Variants in SH3BGRL observed in about 807,000 individuals in gnomAD.
SH3BGRL encodes the protein adapter SH3BGRL.
Under a neutral mutation model 9.8 loss-of-function variants are expected in SH3BGRL, and 7 were observed. The ratio of observed to expected loss-of-function variants is 0.72; its 90% CI spans 0.41 to 1.35. SH3BGRL has a LOEUF of 1.35. SH3BGRL is among the 40% of genes most tolerant of loss of function. The probability of loss-of-function intolerance (pLI) is 0.01; values close to 1 mark genes in which losing one functional copy is unlikely to be tolerated. For missense variants in SH3BGRL, 73 were observed against 84.4 expected (o/e 0.86, Z 0.53); for synonymous variants, 36 against 29.1 (o/e 1.24, Z -0.76).
At chrX:81,291,814 G>C (rs997634880) in intron 3 of SH3BGRL, among the ~76,000 whole-genome samples, 5 of 111,874 alleles carry the variant, frequency 4.5e-5, no homozygotes, top group African/African-American at 9.7e-5. Flanking sequence ...TGACAAAATT[G>C]CTCTATGTAA....
chrX:81,265,247 T>C (rs1263886191), intron 1 of SH3BGRL, among the ~76,000 whole-genome samples: 4 of 106,767 alleles, frequency 3.7e-5, no homozygotes, highest in African/African-American at 1.4e-4. Flanking sequence ...CTGGGTTACA[T>C]GTGCAGAACG....
chrX:81,297,143 T>C (rs1203347319), intron 3 of SH3BGRL, 52 bp from the exon 4 acceptor site: 23 of 1,072,678 alleles, frequency 2.1e-5, no homozygotes, highest in Non-Finnish European at 2.8e-5. Flanking sequence ...TACACATGGG[T>C]GTCTGCTCTG....
At chrX:81,277,969 C>CT (rs1014167667) in intron 2 of SH3BGRL, among the ~76,000 whole-genome samples, 37 of 111,761 alleles carry the variant, frequency 3.3e-4, no homozygotes, top group African/African-American at 1.2e-3. Context: ...AATAAATCTC[C>CT]TTTTTTTCTT....
intron 1 of SH3BGRL, among the ~76,000 whole-genome samples, chrX:81,261,268 A>G (rs2075740571): frequency 9.0e-6 from 1 of 111,350 alleles, no homozygotes; most frequent in African/African-American, 3.3e-5. Flanking sequence ...CTAGTCTGTA[A>G]AATGGAGATA....
intron 1 of SH3BGRL, among the ~76,000 whole-genome samples, chrX:81,211,818 T>A (rs2075565621): frequency 9.0e-6 from 1 of 111,198 alleles, no homozygotes; most frequent in Non-Finnish European, 1.9e-5. Flanking sequence ...GATCCTCAGC[T>A]TGCAGAAAGC....
At chrX:81,226,020 T>C (rs1288431791) in intron 1 of SH3BGRL, among the ~76,000 whole-genome samples, 2 of 111,417 alleles carry the variant, frequency 1.8e-5, no homozygotes, top group Non-Finnish European at 3.8e-5. Flanking sequence ...TCTCTTAAAG[T>C]TATTCTTCCT....
chrX:81,273,914 T>C lies in SH3BGRL; in HGVS notation c.46-3070T>C, dbSNP rs939150563. ...GTTTAATGTACCTGCTCTGTGTCTT[T>C]GGAGAGAAGAATACCCTGAATCTCA... is the stretch of plus-strand genomic sequence containing the variant. On this transcript the variant is annotated intron_variant, in intron 1 of 3. Transcript: ENST00000373212. 3.6e-5 allele frequency among the ~76,000 whole-genome samples: 4 copies of C among 111,452 alleles called. No homozygotes were observed. The Admixed American group carries it at 3.8e-4, about 11-fold the overall frequency.
Position 81,242,969 on chromosome X carries a change from A to C in SH3BGRL, c.46-34015A>C, listed in dbSNP as rs186416093. ...TACATTAGTACTACCAGTATGGAGA[A>C]ATGTTTGTAGGTTCCTCTAAAAACT... On this transcript the variant is annotated intron_variant, in intron 1 of 3. Transcript: ENST00000373212. Among the ~76,000 whole-genome samples, 438 of 112,011 alleles carry C rather than the reference A, an allele frequency of 3.9e-3. 2 individuals are homozygous for C. The highest frequency in any genetic ancestry group is 0.014 in the African/African-American group (419 of 30,828).
chrX:81,205,989 T>C (rs2075546767), intron 1 of SH3BGRL, among the ~76,000 whole-genome samples: 1 of 111,807 alleles, frequency 8.9e-6, no homozygotes, highest in Non-Finnish European at 1.9e-5. Context: ...CTTATACCTG[T>C]TTGCGATTTG....
At chrX:81,212,994 A>G (rs2075570158) in intron 1 of SH3BGRL, among the ~76,000 whole-genome samples, 1 of 112,542 alleles carries the variant, frequency 8.9e-6, no homozygotes, top group Admixed American at 9.4e-5. Context: ...TGAGTAGGAA[A>G]GTCTTAGAAT....
intron 1 of SH3BGRL, among the ~76,000 whole-genome samples, chrX:81,265,009 A>ATT (rs772578478): frequency 1.4e-4 from 13 of 91,933 alleles, no homozygotes; most frequent in East Asian, 3.5e-4. Flanking sequence ...GAATGACTGT[A>ATT]TTTTTTTTTT....
intron 3 of SH3BGRL, among the ~76,000 whole-genome samples, chrX:81,282,209 A>T (rs2075819886): frequency 8.9e-6 from 1 of 112,117 alleles, no homozygotes; most frequent in Non-Finnish European, 1.9e-5. Context: ...AAGAAATGAG[A>T]TAGACAGCAA....
chrX:81,278,886 C>CT (rs1285033748), intron 3 of SH3BGRL, among the ~76,000 whole-genome samples: 3 of 112,025 alleles, frequency 2.7e-5, no homozygotes, highest in Admixed American at 9.4e-5. Context: ...AAATTTGAGG[C>CT]TTTTTTCCTG....
At chrX:81,220,459 G>A (rs988072388) in intron 1 of SH3BGRL, among the ~76,000 whole-genome samples, 2 of 111,153 alleles carry the variant, frequency 1.8e-5, no homozygotes, top group Non-Finnish European at 3.8e-5. Flanking sequence ...GGTATTGGTT[G>A]TAATATCACC....
At chrX:81,257,595 T>C (rs1405457324) in intron 1 of SH3BGRL, among the ~76,000 whole-genome samples, 2 of 112,204 alleles carry the variant, frequency 1.8e-5, no homozygotes, top group African/African-American at 6.5e-5. Flanking sequence ...GCTGTAGTGC[T>C]CATGGCATTT....
chrX:81,207,791 T>G (rs1569355977), intron 1 of SH3BGRL, among the ~76,000 whole-genome samples: 1 of 111,730 alleles, frequency 9.0e-6, no homozygotes, highest in East Asian at 2.8e-4. Flanking sequence ...TGCTTTCAAA[T>G]TGATGCTTAG....
At chrX:81,279,550 C>A (rs778014536) in intron 3 of SH3BGRL, among the ~76,000 whole-genome samples, 2 of 111,365 alleles carry the variant, frequency 1.8e-5, no homozygotes, top group African/African-American at 3.3e-5. Context: ...CCCTCCTCTC[C>A]CGAACAGATA....
chrX:81,230,772 G>A (rs959499177), intron 1 of SH3BGRL, among the ~76,000 whole-genome samples: 1 of 111,535 alleles, frequency 9.0e-6, no homozygotes, highest in African/African-American at 3.3e-5. Context: ...TAACATTCCC[G>A]AGTTCTTTCA....
rs756337001 is a variant in SH3BGRL, at chrX:81,223,649, A to G, written c.45+21404A>G. Among the ~76,000 whole-genome samples, 162 of 110,967 alleles carry G rather than the reference A, an allele frequency of 1.5e-3. 1 individual carries two copies. The highest frequency in any genetic ancestry group is 5.0e-3 in the African/African-American group (152 of 30,508). ...ATCATGTGATAAGGGGAATATTCCTATATGAAACTCAAGACATACTGAATT... is the reference window on the plus strand; with the variant it reads ...ATCATGTGATAAGGGGAATATTCCTGTATGAAACTCAAGACATACTGAATT... On this transcript the variant is annotated intron_variant, in intron 1 of 3. Transcript: ENST00000373212.
Sources: allele counts gnomAD v4.1 joint callset (sites outside exome capture counted in the v4.1 genomes callset), GRCh38; gene constraint gnomAD v4.1.1; transcripts MANE v1.5; gene names NCBI Gene and HGNC (gene_info 2026-07-23, HGNC 2026-07-21).